The following ACTL8 variants were observed in gnomAD, a reference collection of about 807,000 sequenced individuals.
The protein encoded by ACTL8 is actin like 8.
A neutral mutation model predicts 9.3 loss-of-function variants in ACTL8; 3 were observed. The observed-to-expected ratio is 0.32, with a 90% CI of 0.15 to 0.83. The LOEUF (loss-of-function observed/expected upper bound fraction) is 0.83, where lower values mean the gene tolerates loss of function less well. Ranked by LOEUF, ACTL8 falls within the 40% of genes least tolerant of loss-of-function variation. The pLI is 0.57. For missense variants in ACTL8, 381 were observed against 492.2 expected, an observed-to-expected ratio of 0.77 and a Z score of 2.14; for synonymous variants, 224 against 205.9, an observed-to-expected ratio of 1.09 and a Z score of -0.75.
chr1:17,781,579 G>T (rs927488169), intron 1 of ACTL8, among the ~76,000 whole-genome samples: 1 of 152,138 alleles, frequency 6.6e-6, no homozygotes, highest in Non-Finnish European at 1.5e-5. Context: ...TTAGGGCCCA[G>T]CCTAAATCCA....
chr1:17,775,673 T>A (rs994737071), intron 1 of ACTL8, among the ~76,000 whole-genome samples: 1 of 152,156 alleles, frequency 6.6e-6, no homozygotes, highest in African/African-American at 2.4e-5. Flanking sequence ...CTCAGCAGAG[T>A]TAAAGATATT....
chr1:17,806,492 T>C (rs2066360880), intron 1 of ACTL8, among the ~76,000 whole-genome samples: 1 of 152,204 alleles, frequency 6.6e-6, no homozygotes, highest in Non-Finnish European at 1.5e-5. Flanking sequence ...GGCTCTGACT[T>C]CCCTGGTAAT....
chr1:17,822,938 G>C, intron 1 of ACTL8, 47 bp from the exon 2 acceptor site: 1 of 1,348,678 alleles, frequency 7.4e-7, no homozygotes. Flanking sequence ...GCTGCTTATG[G>C]TGGCCTAGGC....
chr1:17,826,604 G>T lies in ACTL8; in HGVS notation c.*85G>T. On this transcript the variant is annotated 3_prime_UTR_variant, in exon 3 of 3. Transcript: ENST00000375406. This position sits in a 1 kb window ranked among gnomAD's most constrained non-coding sequence, Gnocchi z 4.5. Reference sequence around the variant, plus strand: ...TAGCAAAATGTTCTGGGTGGGGGTAGAATGAGGTGGGGTGGGGTGAGCTGG... The same window carrying T: ...TAGCAAAATGTTCTGGGTGGGGGTATAATGAGGTGGGGTGGGGTGAGCTGG... 5.4e-6 allele frequency: 7 copies of T among 1,301,854 alleles called. No homozygotes were observed. Among genetic ancestry groups the T allele is most frequent in the African/African-American group, 1.5e-5 (1 of 67,530 alleles). 80.6% of individuals were successfully genotyped at this position (1,301,854 alleles called of 1,614,324 possible).
chr1:17,817,905 T>C (rs1160192058), intron 1 of ACTL8, among the ~76,000 whole-genome samples: 1 of 152,148 alleles, frequency 6.6e-6, no homozygotes, highest in Non-Finnish European at 1.5e-5. Context: ...TTTCGCCATG[T>C]TGGCCGGGCT....
chr1:17,825,886 C>G lies in ACTL8; in HGVS notation c.468C>G (p.Arg156=). 6.2e-7 allele frequency: 1 copy of G among 1,613,742 alleles called. No individual in the cohort carries two copies. Among genetic ancestry groups the G allele is most frequent in the Non-Finnish European group, 8.5e-7 (1 of 1,180,036 alleles). ...VVVDSGYGLT[R]VQPFHQGRPL... ...TTGATTCTGGCTATGGCCTGACCCGCGTGCAGCCTTTCCACCAGGGCCGCC... is the reference window on the plus strand; with the variant it reads ...TTGATTCTGGCTATGGCCTGACCCGGGTGCAGCCTTTCCACCAGGGCCGCC... Residue 156 remains arginine, a synonymous_variant, in exon 3 of 3, where the codon CGC becomes CGG. Transcript: ENST00000375406.
chr1:17,773,513 C>G (rs1557430108), intron 1 of ACTL8, among the ~76,000 whole-genome samples: 2 of 152,196 alleles, frequency 1.3e-5, no homozygotes. Context: ...TTAGCTCTAC[C>G]CTTATGCGTT....
chr1:17,790,535 G>A (rs1352321266), intron 1 of ACTL8, among the ~76,000 whole-genome samples: 1 of 152,204 alleles, frequency 6.6e-6, no homozygotes, highest in Non-Finnish European at 1.5e-5. Flanking sequence ...CTCAGCTCTG[G>A]CTGATCCCAG....
At chr1:17,760,544 G>A (rs1438725732) in intron 1 of ACTL8, among the ~76,000 whole-genome samples, 1 of 152,208 alleles carries the variant, frequency 6.6e-6, no homozygotes, top group Admixed American at 6.5e-5. Context: ...TTTCAGGCAG[G>A]ATGTCCTAGC....
chr1:17,773,835 T>C (rs2066099360), intron 1 of ACTL8, among the ~76,000 whole-genome samples: 1 of 152,210 alleles, frequency 6.6e-6, no homozygotes, highest in Admixed American at 6.5e-5. Flanking sequence ...TGCTGGTTAT[T>C]GTGAGATTAA....
intron 1 of ACTL8, among the ~76,000 whole-genome samples, chr1:17,808,388 T>C (rs2066372579): frequency 6.6e-6 from 1 of 152,242 alleles, no homozygotes; most frequent in East Asian, 1.9e-4. Flanking sequence ...TATTTTCATC[T>C]GAAGACTACG....
chr1:17,802,549 C>G (rs1355153263), intron 1 of ACTL8, among the ~76,000 whole-genome samples: 1 of 152,092 alleles, frequency 6.6e-6, no homozygotes, highest in Non-Finnish European at 1.5e-5. Context: ...GGGTAAGGAA[C>G]AGAGCTGGGG....
chr1:17,769,674 C>A lies in ACTL8; in HGVS notation c.-25+14170C>A, dbSNP rs143017007. Among the ~76,000 whole-genome samples the A allele has an allele frequency of 3.5e-3, 528 of 152,162 alleles. 5 individuals are homozygous for A. Among genetic ancestry groups the A allele is most frequent in the African/African-American group, 0.012 (499 of 41,492 alleles). On this transcript the variant is annotated intron_variant, in intron 1 of 2. Transcript: ENST00000375406. ...AGACAGAGGCATGAAATAAACCAGGCGCAGGGCAGAAGAGGGCATGGGAAT... is the reference window on the plus strand; with the variant it reads ...AGACAGAGGCATGAAATAAACCAGGAGCAGGGCAGAAGAGGGCATGGGAAT...
chr1:17,810,912 G>T (rs181613713), intron 1 of ACTL8, among the ~76,000 whole-genome samples: 57 of 152,278 alleles, frequency 3.7e-4, no homozygotes, highest in Non-Finnish European at 6.6e-4. Flanking sequence ...AAGAACATTT[G>T]GGTTGTTTAG....
At chr1:17,768,026 C>T (rs953075149) in intron 1 of ACTL8, among the ~76,000 whole-genome samples, 7 of 152,052 alleles carry the variant, frequency 4.6e-5, no homozygotes, top group Admixed American at 6.6e-5. Flanking sequence ...GTCAGGGCTC[C>T]GTGTGTGTAA....
chr1:17,826,603 A>T lies in ACTL8; in HGVS notation c.*84A>T. ...TTAGCAAAATGTTCTGGGTGGGGGT[A>T]GAATGAGGTGGGGTGGGGTGAGCTG... is the stretch of plus-strand genomic sequence containing the variant. On this transcript the variant is annotated 3_prime_UTR_variant, in exon 3 of 3. Coordinates refer to ENST00000375406, the MANE Select transcript of ACTL8 (RefSeq NM_030812.3). The surrounding 1 kb of genome is among the most constrained non-coding windows in gnomAD (Gnocchi z 4.5). 8 of 1,293,674 alleles carry T rather than the reference A, an allele frequency of 6.2e-6. No individual in the cohort carries two copies. The highest frequency in any genetic ancestry group is 8.3e-6 in the Non-Finnish European group (8 of 967,014). 80.1% of individuals were successfully genotyped at this position (1,293,674 alleles called of 1,614,324 possible).
intron 2 of ACTL8, 149 bp from the exon 3 acceptor site, chr1:17,825,618 T>G: frequency 2.0e-6 from 2 of 1,020,634 alleles, no homozygotes; most frequent in Non-Finnish European, 2.8e-6. Flanking sequence ...TGCTGCATTA[T>G]CCTCACTGCA....
chr1:17,811,287 T>C (rs1021750869), intron 1 of ACTL8, among the ~76,000 whole-genome samples: 5 of 152,174 alleles, frequency 3.3e-5, no homozygotes, highest in African/African-American at 1.2e-4. Flanking sequence ...TGGAAGTGAG[T>C]TGTTTGCTTT....
At chr1:17,820,952 C>G (rs1421245408) in intron 1 of ACTL8, among the ~76,000 whole-genome samples, 1 of 152,154 alleles carries the variant, frequency 6.6e-6, no homozygotes, top group African/African-American at 2.4e-5. Flanking sequence ...CTTGTCAGCA[C>G]TTGGTAAGGG....
Sources: gnomAD v4.1 joint callset for allele counts (sites outside exome capture counted in the v4.1 genomes callset) on GRCh38, gnomAD v4.1.1 for gene constraint, Gnocchi (gnomAD v3.1) non-coding constraint, MANE v1.5 for transcripts, NCBI Gene and HGNC (gene_info 2026-07-23, HGNC 2026-07-21) for gene names.